ABLIM2: variants seen among roughly 807,000 people sequenced by gnomAD.
ABLIM2 encodes actin binding LIM protein family member 2, also known as actin-binding LIM protein 2.
ABLIM2 carries 53 observed loss-of-function variants against 97.7 expected under a neutral mutation model. The observed-to-expected ratio is 0.54, with a 90% confidence interval of 0.44 to 0.68. ABLIM2 has a LOEUF of 0.68. ABLIM2 is among the 30% of genes least tolerant of loss of function. The pLI is 0.00. For synonymous variants in ABLIM2, 361 were observed against 345.8 expected (o/e 1.04, Z -0.49); for missense variants, 835 against 867.2 (o/e 0.96, Z 0.47).
chr4:8,049,894 A>G (rs1276977981), intron 8 of ABLIM2, among the ~76,000 whole-genome samples: 1 of 152,056 alleles, frequency 6.6e-6, no homozygotes, highest in Non-Finnish European at 1.5e-5. Context: ...TGCCTGGCTA[A>G]GTTTTGTATT....
At chr4:7,979,541 A>T (rs1039361217) in intron 20 of ABLIM2, among the ~76,000 whole-genome samples, 1 of 152,258 alleles carries the variant, frequency 6.6e-6, no homozygotes, top group South Asian at 2.1e-4. Flanking sequence ...AGGCAGCTGT[A>T]ACCTAAGCAG....
intron 14 of ABLIM2, among the ~76,000 whole-genome samples, chr4:8,018,442 C>A (rs1352679737): frequency 6.6e-6 from 1 of 152,210 alleles, no homozygotes; most frequent in Non-Finnish European, 1.5e-5. Flanking sequence ...TAGAGTCTAT[C>A]TAGCCCATCC....
intron 8 of ABLIM2, among the ~76,000 whole-genome samples, chr4:8,047,741 C>T (rs559441333): frequency 5.9e-5 from 9 of 152,206 alleles, no homozygotes; most frequent in Admixed American, 1.3e-4. Flanking sequence ...GTCCATCCCC[C>T]GGCAACAGCT....
intron 9 of ABLIM2, among the ~76,000 whole-genome samples, chr4:8,042,497 A>C (rs4696737): frequency 0.78 from 118,413 of 152,094 alleles, 46,941 homozygotes; most frequent in African/African-American, 0.93. Context: ...GATCACACAC[A>C]TTTTGTCCAA....
intron 9 of ABLIM2, among the ~76,000 whole-genome samples, chr4:8,038,949 T>C (rs1405766100): frequency 6.6e-6 from 1 of 152,200 alleles, no homozygotes; most frequent in Admixed American, 6.5e-5. Flanking sequence ...CTCTCTGGGA[T>C]GTGCCCCTCC....
rs143227813 is a variant in ABLIM2, at chr4:8,140,043, G to T, written c.10+18637C>A. 2.7e-5 allele frequency among the ~76,000 whole-genome samples: 4 copies of T among 146,800 alleles called. No individual in the cohort carries two copies. Among genetic ancestry groups the T allele is most frequent in the African/African-American group, 1.0e-4 (4 of 39,452 alleles). On this transcript the variant is annotated intron_variant, in intron 1 of 20. Coordinates refer to ENST00000447017, the MANE Select transcript of ABLIM2 (RefSeq NM_001130083.2). The surrounding 1 kb of genome is among the most constrained non-coding windows in gnomAD (Gnocchi z 5.9). ...TACATGTTCTCACTTACAAGTGGGAGCTGAACAGTGAGAACACATGGAAAC... is the reference window on the plus strand; with the variant it reads ...TACATGTTCTCACTTACAAGTGGGATCTGAACAGTGAGAACACATGGAAAC...
chr4:8,145,702 C>T (rs1851673703), intron 1 of ABLIM2, among the ~76,000 whole-genome samples: 2 of 151,758 alleles, frequency 1.3e-5, no homozygotes, highest in Non-Finnish European at 2.9e-5. Flanking sequence ...AACTCCCTCT[C>T]TTTTATAACC....
chr4:8,122,012 C>G lies in ABLIM2; in HGVS notation c.11-15375G>C, dbSNP rs925140146. On this transcript the variant is annotated intron_variant, in intron 1 of 20. Transcript: ENST00000447017. This position sits in a 1 kb window ranked among gnomAD's most constrained non-coding sequence, Gnocchi z 4.1. ...GGAGGAGCTGAGGGGCTGAGCTAGT[C>G]CCACCAGGGACCCCACTCTCTCTCC... Among the ~76,000 whole-genome samples, 3 of 152,212 alleles carry G rather than the reference C, an allele frequency of 2.0e-5. No individual in the cohort carries two copies. The highest frequency in any genetic ancestry group is 7.2e-5 in the African/African-American group (3 of 41,452).
At chr4:8,017,583 C>T (rs1002193469) in intron 14 of ABLIM2, among the ~76,000 whole-genome samples, 1 of 152,158 alleles carries the variant, frequency 6.6e-6, no homozygotes, top group African/African-American at 2.4e-5. Context: ...CCACCACACC[C>T]GGCTTACAGC....
intron 2 of ABLIM2, among the ~76,000 whole-genome samples, chr4:8,104,638 T>G (rs1485249060): frequency 6.6e-6 from 1 of 152,118 alleles, no homozygotes; most frequent in Non-Finnish European, 1.5e-5. Context: ...CTGCCAGAAA[T>G]GGTGCAGCCC....
rs1160787954 is a variant in ABLIM2, at chr4:8,091,544, AATATTTATAATTATATAT to A, written c.339-3278_339-3261del. ...ATATATTATATATAAAATTATATAT[AATATTTATAATTATATAT>A]ATTATATATAATTTTATATAAAATT... On this transcript the variant is annotated intron_variant, in intron 3 of 20. Transcript: ENST00000447017. 8.6e-4 allele frequency among the ~76,000 whole-genome samples: 23 copies of A among 26,742 alleles called. 2 individuals carry two copies. The South Asian group carries it at 0.013, about 15-fold the overall frequency. 17.5% of individuals were successfully genotyped at this position (26,742 alleles called of 152,430 possible).
intron 20 of ABLIM2, among the ~76,000 whole-genome samples, chr4:7,971,975 G>A (rs1443172307): frequency 2.0e-5 from 3 of 152,274 alleles, no homozygotes; most frequent in Non-Finnish European, 2.9e-5. Flanking sequence ...GCATTCCACC[G>A]GCTCACACTG....
rs571688775 is a variant in ABLIM2, at chr4:8,149,806, A to C, written c.10+8874T>G. Among the ~76,000 whole-genome samples the C allele has an allele frequency of 6.6e-5, 10 of 151,932 alleles. No individual in the cohort carries two copies. The highest frequency in any genetic ancestry group is 2.1e-4 in the South Asian group (1 of 4,810). On this transcript the variant is annotated intron_variant, in intron 1 of 20. Transcript: ENST00000447017. This position sits in a 1 kb window ranked among gnomAD's most constrained non-coding sequence, Gnocchi z 6.4. ...GGCTGAGACTTCCCCAGCACCTCACACTCAGGACTGGCCCTGCGCCCAGAC... is the reference window on the plus strand; with the variant it reads ...GGCTGAGACTTCCCCAGCACCTCACCCTCAGGACTGGCCCTGCGCCCAGAC...
At chr4:8,045,480 C>G (rs1404517716) in intron 8 of ABLIM2, among the ~76,000 whole-genome samples, 1 of 152,198 alleles carries the variant, frequency 6.6e-6, no homozygotes, top group Non-Finnish European at 1.5e-5. Context: ...GAAACCCTGT[C>G]TCTACTAAAA....
chr4:8,075,539 A>G lies in ABLIM2; in HGVS notation c.675+2089T>C, dbSNP rs888557819. On this transcript the variant is annotated intron_variant, in intron 6 of 20. Transcript: ENST00000447017. The surrounding 1 kb of genome is among the most constrained non-coding windows in gnomAD (Gnocchi z 4.4). ...GAGACCCTGTCTCTACAAAAACTAC[A>G]AAAATTAGCCAGGTGTGGTGGCGCA... is the stretch of plus-strand genomic sequence containing the variant. 6.6e-5 allele frequency among the ~76,000 whole-genome samples: 10 copies of G among 152,144 alleles called. No individual in the cohort carries two copies. In the East Asian group the frequency reaches 1.9e-3, roughly 30 times the overall value.
intron 1 of ABLIM2, among the ~76,000 whole-genome samples, chr4:8,146,668 T>C (rs1851844461): frequency 6.6e-6 from 1 of 151,936 alleles, no homozygotes; most frequent in South Asian, 2.1e-4. Context: ...GCCTCCAGAG[T>C]AGCTGGGACT....
intron 14 of ABLIM2, among the ~76,000 whole-genome samples, chr4:8,016,041 G>GTGT (rs1333364091): frequency 3.1e-4 from 23 of 73,310 alleles, no homozygotes; most frequent in African/African-American, 1.8e-3. Flanking sequence ...TTTTGTTGTT[G>GTGT]TATTTTTTTT....
At chr4:8,038,772 A>G (rs1198263183) in intron 9 of ABLIM2, among the ~76,000 whole-genome samples, 3 of 152,136 alleles carry the variant, frequency 2.0e-5, no homozygotes, top group African/African-American at 7.2e-5. Flanking sequence ...CGAGCCAGCC[A>G]TTTGTAATCA....
chr4:8,117,381 C>T (rs1843230252), intron 1 of ABLIM2, among the ~76,000 whole-genome samples: 1 of 152,130 alleles, frequency 6.6e-6, no homozygotes, highest in Non-Finnish European at 1.5e-5. Context: ...CAGACTCCAC[C>T]CACCACAGAC....
Sources: allele counts gnomAD v4.1 joint callset (sites outside exome capture counted in the v4.1 genomes callset), GRCh38; gene constraint gnomAD v4.1.1; non-coding constraint Gnocchi (gnomAD v3.1); transcripts MANE v1.5; gene names NCBI Gene and HGNC (gene_info 2026-07-23, HGNC 2026-07-21).